The following FSTL4 variants were observed in gnomAD, a reference collection of about 807,000 sequenced individuals.
The protein encoded by FSTL4 is follistatin-related protein 4.
A neutral mutation model predicts 78.2 loss-of-function variants in FSTL4; 28 were observed. The observed-to-expected ratio is 0.36, with a 90% CI of 0.27 to 0.49. The LOEUF (loss-of-function observed/expected upper bound fraction) is 0.49. Ranked by LOEUF, FSTL4 falls within the 20% of genes least tolerant of loss-of-function variation. FSTL4 has a pLI of 0.98. For missense variants in FSTL4, 922 were observed against 1,084.9 expected (o/e 0.85, Z 2.11); for synonymous variants, 422 against 440.5 (o/e 0.96, Z 0.53).
chr5:133,578,416 G>A (rs1760330551), intron 2 of FSTL4, among the ~76,000 whole-genome samples: 1 of 152,200 alleles, frequency 6.6e-6, no homozygotes. Flanking sequence ...GCCCAGCCAG[G>A]ACAATTGAGG....
the FSTL4 span, among the ~76,000 whole-genome samples, chr5:133,619,990 G>A: frequency 6.6e-6 from 1 of 151,986 alleles, no homozygotes; most frequent in Non-Finnish European, 1.5e-5. Context: ...GTTCCATTTT[G>A]TATCATTTAA....
chr5:133,238,281 G>A (rs1486138456), intron 7 of FSTL4, among the ~76,000 whole-genome samples: 8 of 152,162 alleles, frequency 5.3e-5, no homozygotes, highest in Admixed American at 5.2e-4. Flanking sequence ...GAGCTTTTCC[G>A]ACATTGCCCT....
intron 6 of FSTL4, among the ~76,000 whole-genome samples, chr5:133,267,278 G>C (rs1470708336): frequency 6.6e-6 from 1 of 152,202 alleles, no homozygotes; most frequent in African/African-American, 2.4e-5. Flanking sequence ...GCTGCAGACT[G>C]TGTTTGCATG....
chr5:133,627,151 C>CTTTTTTTTT, the FSTL4 span, among the ~76,000 whole-genome samples: 37 of 92,992 alleles, frequency 4.0e-4, no homozygotes, highest in South Asian at 8.0e-4. Context: ...CTCTGTGTCT[C>CTTTTTTTTT]TTTTTTTTTT....
At chr5:133,756,530 C>A in the FSTL4 span, among the ~76,000 whole-genome samples, 1 of 151,970 alleles carries the variant, frequency 6.6e-6, no homozygotes, top group Admixed American at 6.6e-5. Context: ...TAAATTCCAC[C>A]AGTTTAAGGT....
the FSTL4 span, among the ~76,000 whole-genome samples, chr5:133,711,125 T>A: frequency 1.3e-5 from 2 of 152,240 alleles, no homozygotes; most frequent in African/African-American, 4.8e-5. Flanking sequence ...CCCTGTTGGG[T>A]CCCAGTGCTG....
intron 3 of FSTL4, among the ~76,000 whole-genome samples, chr5:133,448,748 G>GT (rs1561721080): frequency 1.4e-5 from 2 of 143,096 alleles, no homozygotes; most frequent in Non-Finnish European, 3.1e-5. Context: ...GCGGGGGGGG[G>GT]GGGCGCTCAG....
At chr5:133,311,123 G>A (rs1193143043) in intron 6 of FSTL4, among the ~76,000 whole-genome samples, 1 of 152,216 alleles carries the variant, frequency 6.6e-6, no homozygotes, top group Admixed American at 6.5e-5. Flanking sequence ...GCGACCAAGT[G>A]TCTAACTGTT....
intron 7 of FSTL4, among the ~76,000 whole-genome samples, chr5:133,234,175 G>A (rs527726912): frequency 7.0e-4 from 106 of 152,292 alleles, no homozygotes; most frequent in African/African-American, 2.1e-3. Context: ...CTCAATCCCA[G>A]CATGATTTCA....
chr5:133,728,213 C>A, the FSTL4 span, among the ~76,000 whole-genome samples: 1 of 152,226 alleles, frequency 6.6e-6, no homozygotes, highest in Non-Finnish European at 1.5e-5. Flanking sequence ...TCATCACTAG[C>A]ACATAGCAGA....
chr5:133,501,888 G>GT (rs1323536640), intron 3 of FSTL4, among the ~76,000 whole-genome samples: 1 of 152,144 alleles, frequency 6.6e-6, no homozygotes. Flanking sequence ...CATGATTACT[G>GT]TCCTTATAAG....
intron 6 of FSTL4, among the ~76,000 whole-genome samples, chr5:133,287,167 T>TCACAA (rs985302156): frequency 1.3e-5 from 2 of 152,116 alleles, no homozygotes; most frequent in African/African-American, 4.8e-5. Flanking sequence ...GGCGGGTGGA[T>TCACAA]CACAAGGTCA....
At chr5:133,804,019 T>C in the FSTL4 span, among the ~76,000 whole-genome samples, 1 of 152,306 alleles carries the variant, frequency 6.6e-6, no homozygotes, top group Admixed American at 6.5e-5. Context: ...GCAGTTGAAA[T>C]CATCAGCTAG....
chr5:133,822,133 CTCGCCCCCTGGACCCTGATAAACAGAGT>C, the FSTL4 span, among the ~76,000 whole-genome samples: 2 of 152,166 alleles, frequency 1.3e-5, no homozygotes, highest in African/African-American at 4.8e-5. Context: ...ATGAACACTC[CTCGCCCCCTGGACCCTGATAAACAGAGT>C]TCACCCCAGA....
chr5:133,249,146 GC>G (rs1752132391), intron 7 of FSTL4, among the ~76,000 whole-genome samples: 1 of 152,232 alleles, frequency 6.6e-6, no homozygotes, highest in Non-Finnish European at 1.5e-5. Context: ...TGCTAATGCA[GC>G]CCCGTTCAGA....
intron 4 of FSTL4, 139 bp downstream of exon 4, chr5:133,400,599 A>G (rs1756197267): frequency 1.3e-6 from 1 of 766,520 alleles, no homozygotes; most frequent in African/African-American, 1.8e-5. Flanking sequence ...CACTGCTGCT[A>G]TTTTGTTACA....
chr5:133,508,870 G>A (rs1758667495), intron 3 of FSTL4, among the ~76,000 whole-genome samples: 1 of 152,200 alleles, frequency 6.6e-6, no homozygotes, highest in African/African-American at 2.4e-5. Flanking sequence ...CTTAGAGTCT[G>A]TCTTGTTGGG....
chr5:133,835,203 C>T, the FSTL4 span, among the ~76,000 whole-genome samples: 11 of 152,222 alleles, frequency 7.2e-5, no homozygotes, highest in East Asian at 9.7e-4. Context: ...AAGAGGCAGG[C>T]GGGAACATTG....
Position 133,567,203 on chromosome 5 carries a change from T to A in FSTL4, c.143A>T (p.Glu48Val). Residue 48 changes from glutamate (E) to valine (V), a missense_variant, in exon 3 of 16, where the codon GAA (glutamate) becomes GTA (valine). By Grantham distance (121) the Glu-to-Val change is moderately radical. Transcript: ENST00000265342. Reference protein sequence around the residue: ...ESQAEEPRSFEVTRREGLSSH... With the variant: ...ESQAEEPRSFVVTRREGLSSH... The stretch of plus-strand genomic sequence containing the variant: ...TTTCCTACCTTCTCTTCTTGTGACT[T>A]CAAAGCTTCTGGGCTCCTGCAAGAA... 6.2e-7 allele frequency: 1 copy of A among 1,609,130 alleles called. No homozygotes were observed.
Sources: gnomAD v4.1 joint callset for allele counts (sites outside exome capture counted in the v4.1 genomes callset) on GRCh38, gnomAD v4.1.1 for gene constraint, MANE v1.5 for transcripts, NCBI Gene and HGNC (gene_info 2026-07-23, HGNC 2026-07-21) for gene names.